GRAMD4: variants seen among roughly 807,000 people sequenced by gnomAD.
GRAMD4 encodes the protein GRAM domain-containing protein 4.
GRAMD4 carries 25 observed loss-of-function variants against 83.9 expected under a neutral mutation model. That is an observed-to-expected ratio of 0.30 (90% CI 0.22 to 0.42). The LOEUF (loss-of-function observed/expected upper bound fraction) is 0.42. Ranked by LOEUF, GRAMD4 falls within the 10% of genes least tolerant of loss-of-function variation. The pLI, the probability that GRAMD4 is intolerant of heterozygous loss-of-function variation, is 1.00. For missense variants in GRAMD4, 593 were observed against 788.7 expected, an observed-to-expected ratio of 0.75 and a Z score of 2.97; for synonymous variants, 336 against 320.9, an observed-to-expected ratio of 1.05 and a Z score of -0.50.
upstream of GRAMD4, among the ~76,000 whole-genome samples, chr22:46,618,097 G>A (rs1366542605): frequency 1.3e-5 from 2 of 152,142 alleles, no homozygotes; most frequent in African/African-American, 2.4e-5. This position sits in a 1 kb window ranked among gnomAD's most constrained non-coding sequence, Gnocchi z 5.8. Flanking sequence ...CCCCCCAGCC[G>A]TGGCATCTGG....
At chr22:46,634,422 C>T (rs140337886) in intron 2 of GRAMD4, among the ~76,000 whole-genome samples, 4 of 152,322 alleles carry the variant, frequency 2.6e-5, no homozygotes, top group African/African-American at 9.6e-5. Context: ...CATCTCCAAA[C>T]ACCAGCCCAA....
chr22:46,680,578 C>CCACCCACCCACCCACCCATT (rs1569313352), downstream of GRAMD4, among the ~76,000 whole-genome samples: 634 of 146,634 alleles, frequency 4.3e-3, 29 homozygotes, highest in Middle Eastern at 0.015. Flanking sequence ...ATCCATCCAT[C>CCACCCACCCACCCACCCATT]CATCCATCCA....
chr22:46,677,586 G>GA lies in GRAMD4; in HGVS notation c.*338dup. The GA allele has an allele frequency of 9.4e-7, 1 of 1,063,540 alleles. No homozygotes were observed. Among genetic ancestry groups the GA allele is most frequent in the Non-Finnish European group, 1.1e-6 (1 of 877,990 alleles). 65.9% of individuals were successfully genotyped at this position (1,063,540 alleles called of 1,614,324 possible). On this transcript the variant is annotated 3_prime_UTR_variant, in exon 19 of 19. Transcript: ENST00000406902. ...CCTTCTCCGTTCCAGCCTGGACAGA[G>GA]AAACCTCTCCAGCCACCCCAAGAGG... is the stretch of plus-strand genomic sequence containing the variant.
At chr22:46,608,389 G>A (rs2081385581) in intron 1 of GRAMD4, among the ~76,000 whole-genome samples, 1 of 152,182 alleles carries the variant, frequency 6.6e-6, no homozygotes, top group South Asian at 2.1e-4. Flanking sequence ...TTCTGAAATA[G>A]TATTTTGGGC....
intron 3 of GRAMD4, among the ~76,000 whole-genome samples, chr22:46,649,076 C>T (rs192528646): frequency 1.2e-3 from 182 of 152,338 alleles, no homozygotes; most frequent in African/African-American, 4.0e-3. Context: ...TTCCAGAGCT[C>T]CAGATGCACC....
Position 46,624,226 on chromosome 22 carries a change from A to T in GRAMD4, c.-49-2525A>T, listed in dbSNP as rs1381882000. On this transcript the variant is annotated intron_variant, in intron 1 of 18. Coordinates refer to ENST00000406902, the MANE Select transcript of GRAMD4 (RefSeq NM_015124.5). ...TTACTTTTGCCTGGTGGCCTGTTAG[A>T]CATTTTTACTTAGTGGCTTTTTTTT... Among the ~76,000 whole-genome samples, 3 of 140,388 alleles carry T rather than the reference A, an allele frequency of 2.1e-5. No homozygotes were observed. In the East Asian group the frequency reaches 6.3e-4, roughly 29 times the overall value. 92.1% of individuals were successfully genotyped at this position (140,388 alleles called of 152,430 possible). A position where few individuals can be genotyped will look rare whatever the true frequency, so the allele number is the denominator to read the frequency against.
intron 3 of GRAMD4, 28 bp from the exon 4 acceptor site, chr22:46,658,159 G>A: frequency 6.2e-7 from 1 of 1,613,026 alleles, no homozygotes; most frequent in South Asian, 1.1e-5. Context: ...CATGAGCGAT[G>A]GTCACCTGGC....
In GRAMD4 at chr22:46,596,569, CAT is replaced by C. The variant is rs770818071; in HGVS notation, c.-50+19280_-50+19281del. On this transcript the variant is annotated intron_variant, in intron 1 of 1. Transcript: ENST00000431155. Reference sequence around the variant, plus strand: ...TTTATTTTTTTCTGAGACGGAGTCTCATGTGCTCTGTTGCCCAGGCTGGAGTG... The same window carrying C: ...TTTATTTTTTTCTGAGACGGAGTCTCGTGCTCTGTTGCCCAGGCTGGAGTG... 1.1e-4 allele frequency among the ~76,000 whole-genome samples: 16 copies of C among 152,324 alleles called. No individual in the cohort carries two copies. The South Asian group carries it at 2.1e-3, about 20-fold the overall frequency.
At chr22:46,682,444 G>T, downstream of GRAMD4, 4 of 985,240 alleles carry the variant, frequency 4.1e-6, no homozygotes, top group Non-Finnish European at 3.6e-6. Flanking sequence ...GGAAGCTGCT[G>T]GTACAAAATG....
upstream of GRAMD4, among the ~76,000 whole-genome samples, chr22:46,618,569 G>A (rs1259997401): frequency 6.6e-6 from 1 of 152,140 alleles, no homozygotes; most frequent in Non-Finnish European, 1.5e-5. This position sits in a 1 kb window ranked among gnomAD's most constrained non-coding sequence, Gnocchi z 5.8. Context: ...TGTTGACCCG[G>A]GTGCGTGGAA....
At position 46,679,657 on chromosome 22, in the gene GRAMD4, T is replaced by C. The variant is rs1025364236; in HGVS notation, c.*2406T>C. The C allele has an allele frequency of 5.1e-6, 5 of 982,904 alleles. No individual in the cohort carries two copies. Among genetic ancestry groups the C allele is most frequent in the African/African-American group, 1.7e-5 (1 of 57,216 alleles). The allele number at this position is 982,904 out of a possible 1,614,324, so 60.9% of individuals were successfully genotyped here. A position where few individuals can be genotyped will look rare whatever the true frequency, so the allele number is the denominator to read the frequency against. On this transcript the variant is annotated 3_prime_UTR_variant, in exon 19 of 19. Coordinates refer to ENST00000406902, the MANE Select transcript of GRAMD4 (RefSeq NM_015124.5). ...TGACTTTTGTTCAACAAAAGGATTG[T>C]ACTGTATTAAGAACCGATGAAAAAA...
Position 46,659,471 on chromosome 22 carries a change from AGG to A in GRAMD4, c.404+1166_404+1167del, listed in dbSNP as rs1225649076. The stretch of plus-strand genomic sequence containing the variant: ...CCTGCATGGATGGCTGTCACCAGTT[AGG>A]GAGGCACACGGCATCTCTGGGACAC... On this transcript the variant is annotated intron_variant, in intron 4 of 18. Transcript: ENST00000406902. The surrounding 1 kb of genome is among the most constrained non-coding windows in gnomAD (Gnocchi z 4.1). 6.6e-6 allele frequency among the ~76,000 whole-genome samples: 1 copy of A among 152,160 alleles called. No individual in the cohort carries two copies. Among genetic ancestry groups the A allele is most frequent in the East Asian group, 1.9e-4 (1 of 5,196 alleles).
Position 46,629,156 on chromosome 22 carries a change from G to T in GRAMD4, c.162+2195G>T, listed in dbSNP as rs146411838. 2.0e-5 allele frequency among the ~76,000 whole-genome samples: 3 copies of T among 152,244 alleles called. No homozygotes were observed. The East Asian group carries it at 5.8e-4, about 29-fold the overall frequency. Reference sequence around the variant, plus strand: ...CCCAGGAGATTCCTAGTGTGGGTGAGCAGGGCCCCGCTTGGGGCATCGTGC... The same window carrying T: ...CCCAGGAGATTCCTAGTGTGGGTGATCAGGGCCCCGCTTGGGGCATCGTGC... On this transcript the variant is annotated intron_variant, in intron 2 of 18. Transcript: ENST00000406902.
chr22:46,652,225 A>G (rs1162218376), intron 3 of GRAMD4, among the ~76,000 whole-genome samples: 1 of 152,128 alleles, frequency 6.6e-6, no homozygotes, highest in Non-Finnish European at 1.5e-5. Context: ...GGTTCTGAGA[A>G]GGAGATGGCA....
intron 4 of GRAMD4, 143 bp from the exon 5 acceptor site, chr22:46,661,238 A>G (rs1260293911): frequency 1.6e-6 from 1 of 626,930 alleles, no homozygotes; most frequent in East Asian, 2.6e-5. Flanking sequence ...CCAGCATTTC[A>G]GCAGTGGAGA....
intron 1 of GRAMD4, among the ~76,000 whole-genome samples, chr22:46,579,930 G>A (rs2081080992): frequency 6.6e-6 from 1 of 152,198 alleles, no homozygotes; most frequent in South Asian, 2.1e-4. Context: ...CAGAGCTCCT[G>A]TTGGTGTGGG....
At position 46,652,283 on chromosome 22, in the gene GRAMD4, A is replaced by G. The variant is rs150229223; in HGVS notation, c.284-5904A>G. ...GAGGGTGGGGTTAGAGGTCACAGTG[A>G]CGTCATTGCTCCCTGGGGGCCGCAA... is the stretch of plus-strand genomic sequence containing the variant. On this transcript the variant is annotated intron_variant, in intron 3 of 18. Transcript: ENST00000406902. 2.9e-3 allele frequency among the ~76,000 whole-genome samples: 435 copies of G among 152,178 alleles called. 1 individual carries two copies. Among genetic ancestry groups the G allele is most frequent in the African/African-American group, 0.01 (416 of 41,538 alleles).
chr22:46,620,747 C>T lies in GRAMD4; in HGVS notation c.-50+182C>T, dbSNP rs771096514. Among the ~76,000 whole-genome samples, 5 of 152,076 alleles carry T rather than the reference C, an allele frequency of 3.3e-5. No homozygotes were observed. Among genetic ancestry groups the T allele is most frequent in the South Asian group, 2.1e-4 (1 of 4,828 alleles). On this transcript the variant is annotated intron_variant, in intron 1 of 18. Coordinates refer to ENST00000406902, the MANE Select transcript of GRAMD4 (RefSeq NM_015124.5). The surrounding 1 kb of genome is among the most constrained non-coding windows in gnomAD (Gnocchi z 4.7). ...AGGCCGGGTGCAGGCCAGACCCCACCGGTAAAGCACCTGCGCAGCCCGGGG... is the reference window on the plus strand; with the variant it reads ...AGGCCGGGTGCAGGCCAGACCCCACTGGTAAAGCACCTGCGCAGCCCGGGG...
Sources: gnomAD v4.1 joint callset for allele counts (sites outside exome capture counted in the v4.1 genomes callset) on GRCh38, gnomAD v4.1.1 for gene constraint, Gnocchi (gnomAD v3.1) non-coding constraint, MANE v1.5 for transcripts, NCBI Gene and HGNC (gene_info 2026-07-23, HGNC 2026-07-21) for gene names.